Variants in ZNF469 observed in about 807,000 individuals in gnomAD.
ZNF469 encodes the protein zinc finger protein 469.
In ZNF469, 1 loss-of-function variant was observed where a neutral mutation model predicts 1.0. The observed-to-expected ratio is 1.00, with a 90% CI of 0.35 to 4.73. The LOEUF is 4.73. Ranked by LOEUF, ZNF469 falls within the 30% of genes most tolerant of loss-of-function variation. ZNF469 has a pLI of 0.16. For missense variants in ZNF469, 6,100 were observed against 5,356.3 expected, an observed-to-expected ratio of 1.14 and a Z score of -4.33; for synonymous variants, 2,703 against 2,363.4, an observed-to-expected ratio of 1.14 and a Z score of -4.17.
chr16:88,208,772 TGCGC>T, the ZNF469 span, among the ~76,000 whole-genome samples: 3 of 64,822 alleles, frequency 4.6e-5, no homozygotes, highest in East Asian at 3.8e-4. Context: ...TAAATGCGCG[TGCGC>T]GCGCACACAC....
At chr16:88,110,367 C>T in the ZNF469 span, among the ~76,000 whole-genome samples, 2 of 152,274 alleles carry the variant, frequency 1.3e-5, no homozygotes, top group East Asian at 1.9e-4. Context: ...CCGCTCACGC[C>T]GGACTGAACT....
chr16:88,366,707 CCAT>C, the ZNF469 span, among the ~76,000 whole-genome samples: 9 of 151,484 alleles, frequency 5.9e-5, no homozygotes, highest in South Asian at 4.2e-4. Flanking sequence ...ATCACCATCA[CCAT>C]CATCATCACC....
At chr16:88,363,686 C>T in the ZNF469 span, among the ~76,000 whole-genome samples, 1 of 152,226 alleles carries the variant, frequency 6.6e-6, no homozygotes, top group Non-Finnish European at 1.5e-5. Flanking sequence ...AGAGTTTTAG[C>T]TGTCCCACGT....
Position 88,432,611 on chromosome 16 carries a change from G to C in ZNF469, c.5141G>C (p.Ser1714Thr), listed in dbSNP as rs1325659102. Reference sequence around the variant, plus strand: ...GGACTTTGCCAGGCAGAAGGAGACAGCAGGCCCCCCCAAGATGTCTGCCTG... The same window carrying C: ...GGACTTTGCCAGGCAGAAGGAGACACCAGGCCCCCCCAAGATGTCTGCCTG... ...KTGLCQAEGDSRPPQDVCLPE... is the reference protein window; with the variant it reads ...KTGLCQAEGDTRPPQDVCLPE... Residue 1714 changes from serine to threonine, a missense_variant, in exon 3 of 3, where the codon AGC becomes ACC. By Grantham distance (58) the Ser-to-Thr change is moderately conservative. Coordinates refer to ENST00000565624, the MANE Select transcript of ZNF469 (RefSeq NM_001367624.2). The C allele has an allele frequency of 1.9e-6, 3 of 1,550,434 alleles. No individual in the cohort carries two copies. In the East Asian group the frequency reaches 7.3e-5, roughly 38 times the overall value.
the ZNF469 span, among the ~76,000 whole-genome samples, chr16:88,282,994 C>G: frequency 1.3e-5 from 2 of 152,294 alleles, no homozygotes; most frequent in South Asian, 4.1e-4. Context: ...AGGACCCCAG[C>G]GATTCCCTCC....
At chr16:88,346,173 C>T in the ZNF469 span, among the ~76,000 whole-genome samples, 2 of 152,220 alleles carry the variant, frequency 1.3e-5, no homozygotes, top group Non-Finnish European at 2.9e-5. Flanking sequence ...GATGGGAGTT[C>T]TCGGCTCCAT....
the ZNF469 span, among the ~76,000 whole-genome samples, chr16:88,221,353 T>C: frequency 6.6e-6 from 1 of 152,220 alleles, no homozygotes; most frequent in East Asian, 1.9e-4. Context: ...CTTGTAAAAC[T>C]CTCTCTGTGG....
the ZNF469 span, among the ~76,000 whole-genome samples, chr16:88,115,532 G>A: frequency 6.6e-5 from 10 of 151,820 alleles, no homozygotes; most frequent in Non-Finnish European, 1.5e-5. Flanking sequence ...CATGGGCTCC[G>A]CTAAAAATAT....
chr16:88,329,665 C>T, the ZNF469 span, among the ~76,000 whole-genome samples: 1 of 152,232 alleles, frequency 6.6e-6, no homozygotes, highest in African/African-American at 2.4e-5. Context: ...GTCACACTGA[C>T]AGGGAATTGG....
chr16:88,405,541 G>A (rs746506399), intron 1 of ZNF469, among the ~76,000 whole-genome samples: 3 of 152,196 alleles, frequency 2.0e-5, no homozygotes, highest in African/African-American at 7.2e-5. Flanking sequence ...CAGGGCCTTG[G>A]GGGCTGGAGA....
chr16:88,128,512 T>C, the ZNF469 span, among the ~76,000 whole-genome samples: 1 of 152,198 alleles, frequency 6.6e-6, no homozygotes, highest in Admixed American at 6.5e-5. Context: ...ACTTTACACT[T>C]TGCTTAGAGG....
the ZNF469 span, among the ~76,000 whole-genome samples, chr16:88,338,455 C>T: frequency 5.9e-5 from 9 of 152,244 alleles, no homozygotes; most frequent in Non-Finnish European, 1.0e-4. Context: ...TCGGGTGATG[C>T]ACTGAGGCTC....
chr16:88,371,996 CCAT>C, the ZNF469 span, among the ~76,000 whole-genome samples: 4 of 129,528 alleles, frequency 3.1e-5, no homozygotes, highest in Non-Finnish European at 5.0e-5. Flanking sequence ...ATCACCATCA[CCAT>C]CATCACCATC....
Position 88,430,030 on chromosome 16 carries a change from C to A in ZNF469, c.2560C>A (p.Gln854Lys), listed in dbSNP as rs1906022586. The part of the protein sequence containing the change: ...ITEALNGMEY[Q>K]SDNPEIDSSF... The stretch of plus-strand genomic sequence containing the variant: ...AGAGGCGCTCAACGGCATGGAGTAC[C>A]AGTCGGACAACCCGGAGATCGACAG... Residue 854 changes from glutamine (Q) to lysine (K), a missense_variant, in exon 3 of 3, where the codon CAG (glutamine) becomes AAG (lysine). Transcript: ENST00000565624. 1.3e-6 allele frequency: 2 copies of A among 1,550,266 alleles called. No individual in the cohort carries two copies.
At chr16:88,400,291 C>T (rs1467991844) in intron 1 of ZNF469, among the ~76,000 whole-genome samples, 1 of 152,216 alleles carries the variant, frequency 6.6e-6, no homozygotes, top group African/African-American at 2.4e-5. Context: ...CCTGTGGCCC[C>T]ACCTGCTGAA....
At chr16:88,357,625 GA>G in the ZNF469 span, among the ~76,000 whole-genome samples, 1 of 152,220 alleles carries the variant, frequency 6.6e-6, no homozygotes, top group African/African-American at 2.4e-5. Context: ...CAGAGGGGAA[GA>G]GGGGGGGCCC....
chr16:88,174,305 C>T, the ZNF469 span, among the ~76,000 whole-genome samples: 399 of 152,268 alleles, frequency 2.6e-3, no homozygotes, highest in Admixed American at 4.3e-3. Context: ...ACACAAAATC[C>T]TAAATATGTA....
At chr16:88,300,395 C>T in the ZNF469 span, among the ~76,000 whole-genome samples, 2 of 152,144 alleles carry the variant, frequency 1.3e-5, no homozygotes, top group Non-Finnish European at 2.9e-5. Flanking sequence ...TCCAGGTCCT[C>T]GGATATTCGA....
chr16:88,333,032 G>A, the ZNF469 span, among the ~76,000 whole-genome samples: 4 of 152,214 alleles, frequency 2.6e-5, no homozygotes, highest in East Asian at 1.9e-4. Flanking sequence ...GACACACCCC[G>A]TGGGTCCTTG....
Sources: gnomAD v4.1 joint callset for allele counts (sites outside exome capture counted in the v4.1 genomes callset) on GRCh38, gnomAD v4.1.1 for gene constraint, MANE v1.5 for transcripts, NCBI Gene and HGNC (gene_info 2026-07-23, HGNC 2026-07-21) for gene names.